Variants in TBCK observed in about 807,000 individuals in gnomAD.
TBCK encodes TBC domain-containing protein kinase-like protein.
Under a neutral mutation model 113.4 loss-of-function variants are expected in TBCK, and 99 were observed. That is an observed-to-expected ratio of 0.87 (90% CI 0.74 to 1.03). The LOEUF (loss-of-function observed/expected upper bound fraction) is 1.03. Ranked by LOEUF, TBCK falls within the 50% of genes least tolerant of loss-of-function variation. TBCK has a pLI of 0.00. For missense variants in TBCK, 1,045 were observed against 1,061.3 expected (o/e 0.98, Z 0.21); for synonymous variants, 369 against 370.8 (o/e 1.00, Z 0.05).
chr4:106,057,077 G>T (rs1260438145), intron 25 of TBCK, among the ~76,000 whole-genome samples: 1 of 151,760 alleles, frequency 6.6e-6, no homozygotes, highest in Non-Finnish European at 1.5e-5. Flanking sequence ...AACAGCAGGG[G>T]ATTATTTCCC....
At chr4:106,190,737 T>C (rs994930810) in intron 22 of TBCK, among the ~76,000 whole-genome samples, 1 of 146,398 alleles carries the variant, frequency 6.8e-6, no homozygotes, top group African/African-American at 2.5e-5. Context: ...GAAGAAGAAC[T>C]TTTTTTTTTT....
At chr4:106,316,296 C>T (rs1336056541), upstream of TBCK, 2 of 440,536 alleles carry the variant, frequency 4.5e-6, no homozygotes, top group Non-Finnish European at 8.3e-6. Flanking sequence ...TGGTGTCCTT[C>T]CCCTTGCCCA....
chr4:106,206,333 T>C (rs17273600), intron 20 of TBCK, among the ~76,000 whole-genome samples: 6,973 of 152,322 alleles, frequency 0.046, 227 homozygotes, highest in Middle Eastern at 0.095. Context: ...AAAAATGTCA[T>C]TTTATCATCC....
chr4:106,181,663 A>C (rs891910595), intron 22 of TBCK, among the ~76,000 whole-genome samples: 1 of 152,138 alleles, frequency 6.6e-6, no homozygotes, highest in African/African-American at 2.4e-5. Context: ...AGGTTTGTTA[A>C]AGATCAGATG....
At chr4:106,180,314 T>G (rs1752196540) in intron 22 of TBCK, among the ~76,000 whole-genome samples, 1 of 152,070 alleles carries the variant, frequency 6.6e-6, no homozygotes, top group Non-Finnish European at 1.5e-5. Context: ...TTGTAGACAC[T>G]TTCTTCCTTT....
intron 3 of TBCK, among the ~76,000 whole-genome samples, chr4:106,269,164 G>A (rs1763257666): frequency 6.6e-6 from 1 of 152,002 alleles, no homozygotes; most frequent in South Asian, 2.1e-4. Flanking sequence ...ATATATTAAT[G>A]GTTAGCTACT....
Position 106,244,657 on chromosome 4 carries a change from G to A in TBCK, c.1039C>T (p.Arg347Ter), listed in dbSNP as rs762552974. The A allele has an allele frequency of 6.8e-6, 11 of 1,611,432 alleles. No homozygotes were observed. The highest frequency in any genetic ancestry group is 4.5e-5 in the East Asian group (2 of 44,724). ...AGTGTGCAGATAGGTGGTTTGGATCGAATGATTTCCTTGTTGACAAGCTCT... is the reference window on the plus strand; with the variant it reads ...AGTGTGCAGATAGGTGGTTTGGATCAAATGATTTCCTTGTTGACAAGCTCT... ...EKELVNKEII[R>*]SKPPICTLPN... Residue 347 changes from arginine (R) to a stop codon, truncating the protein, a stop_gained, in exon 11 of 26, where the codon CGA (arginine) becomes TGA (stop). Coordinates refer to ENST00000394708, the MANE Select transcript of TBCK (RefSeq NM_001163435.3). LOFTEE classifies it high-confidence loss of function.
At chr4:106,257,503 A>G (rs1417286072) in intron 5 of TBCK, among the ~76,000 whole-genome samples, 1 of 152,152 alleles carries the variant, frequency 6.6e-6, no homozygotes, top group African/African-American at 2.4e-5. Flanking sequence ...AAGTCAGGGA[A>G]TGTGACTTAA....
At chr4:106,067,310 C>T (rs1168124120) in intron 25 of TBCK, among the ~76,000 whole-genome samples, 1 of 152,048 alleles carries the variant, frequency 6.6e-6, no homozygotes, top group Non-Finnish European at 1.5e-5. Context: ...GTCTTTTGCC[C>T]ATTTCTTAAT....
chr4:106,297,184 C>CT lies in TBCK; in HGVS notation c.194-2019dup, dbSNP rs552830038. Among the ~76,000 whole-genome samples, 48 of 152,258 alleles carry CT rather than the reference C, an allele frequency of 3.2e-4. 2 individuals are homozygous for CT. The South Asian group carries it at 9.7e-3, about 31-fold the overall frequency. ...CATCTATTCCCAAGGCTGAAAAACT[C>CT]TGAGATTTTATTGCAAGCCCAAAAC... On this transcript the variant is annotated intron_variant, in intron 2 of 25. Coordinates refer to ENST00000394708, the MANE Select transcript of TBCK (RefSeq NM_001163435.3).
chr4:106,133,059 G>T (rs1295153015), intron 23 of TBCK, among the ~76,000 whole-genome samples: 1 of 152,180 alleles, frequency 6.6e-6, no homozygotes, highest in African/African-American at 2.4e-5. Context: ...GACTTTGGGG[G>T]ACTGTTGAGA....
At chr4:106,121,287 A>G (rs1396111100) in intron 23 of TBCK, among the ~76,000 whole-genome samples, 6 of 151,002 alleles carry the variant, frequency 4.0e-5, no homozygotes, top group Admixed American at 4.0e-4. Flanking sequence ...AGGCCATTAC[A>G]TAATGGTAAA....
At chr4:106,221,344 C>T (rs755197323) in intron 19 of TBCK, among the ~76,000 whole-genome samples, 6 of 152,192 alleles carry the variant, frequency 3.9e-5, no homozygotes, top group East Asian at 1.9e-4. Context: ...CACACACACA[C>T]AGACATAAAA....
At chr4:106,214,464 T>G (rs1234054417) in intron 19 of TBCK, among the ~76,000 whole-genome samples, 1 of 150,680 alleles carries the variant, frequency 6.6e-6, no homozygotes, top group African/African-American at 2.4e-5. Flanking sequence ...TTGAAAACTT[T>G]GAAAAAAATT....
intron 25 of TBCK, among the ~76,000 whole-genome samples, chr4:106,048,873 A>AG (rs1420595206): frequency 6.6e-6 from 1 of 152,136 alleles, no homozygotes; most frequent in Non-Finnish European, 1.5e-5. Flanking sequence ...GTAAAGACAA[A>AG]GCAGGCAGAA....
rs1578735328 is a variant in TBCK at position 106,044,969 on chromosome 4, C to T, written c.*1601G>A. 1 of 149,164 alleles carries T rather than the reference C, an allele frequency of 6.7e-6. No homozygotes were observed. The allele number at this position is 149,164 out of a possible 1,614,324, so 9.2% of individuals were successfully genotyped here. ...ATGAATGAACACTTTTTAGTTAAAA[C>T]AAAATTGAAGATAATTAAAGGATAT... On this transcript the variant is annotated 3_prime_UTR_variant, in exon 26 of 26. Transcript: ENST00000394708.
intron 20 of TBCK, among the ~76,000 whole-genome samples, chr4:106,207,984 G>C (rs1755717663): frequency 6.6e-6 from 1 of 152,198 alleles, no homozygotes; most frequent in African/African-American, 2.4e-5. Flanking sequence ...ACTCAGAAAT[G>C]AGTGTAGAGG....
chr4:106,204,599 T>C (rs1036352819), intron 20 of TBCK, among the ~76,000 whole-genome samples: 3 of 152,136 alleles, frequency 2.0e-5, no homozygotes, highest in Admixed American at 1.3e-4. Flanking sequence ...TCTTTTAAAA[T>C]TTGTGAAATA....
At chr4:106,125,968 C>T (rs923520413) in intron 23 of TBCK, among the ~76,000 whole-genome samples, 1 of 152,130 alleles carries the variant, frequency 6.6e-6, no homozygotes, top group Non-Finnish European at 1.5e-5. Context: ...TTTAGAATGG[C>T]GTCTGGCAAG....
Sources: gnomAD v4.1 joint callset for allele counts (sites outside exome capture counted in the v4.1 genomes callset) on GRCh38, gnomAD v4.1.1 for gene constraint, MANE v1.5 for transcripts, NCBI Gene and HGNC (gene_info 2026-07-23, HGNC 2026-07-21) for gene names.